NUTM2G: variants seen among roughly 807,000 people sequenced by gnomAD.
NUTM2G encodes the protein NUT family member 2G.
NUTM2G carries 29 observed loss-of-function variants against 44.3 expected under a neutral mutation model. The observed-to-expected ratio is 0.66, with a 90% CI of 0.49 to 0.89. The LOEUF (loss-of-function observed/expected upper bound fraction) is 0.89. NUTM2G is among the 40% of genes least tolerant of loss of function. The pLI is 0.00. For missense variants in NUTM2G, 502 were observed against 946.5 expected (o/e 0.53, Z 6.16); for synonymous variants, 205 against 395.9 (o/e 0.52, Z 5.72).
At chr9:96,932,617 G>T (rs1310787637) in intron 2 of NUTM2G, among the ~76,000 whole-genome samples, 199 bp downstream of exon 2, 6 of 152,002 alleles carry the variant, frequency 3.9e-5, no homozygotes, top group Non-Finnish European at 8.8e-5. Flanking sequence ...CATGTCAACT[G>T]CCTGTCACTG....
Position 96,935,314 on chromosome 9 carries a change from G to A in NUTM2G, c.714-14G>A. ...GTGGGCTTACAGACTGGGACTGACT[G>A]CACTGGTTTACAGCCCAGTTCTCCG... On this transcript the variant is annotated splice_polypyrimidine_tract_variant and intron_variant, in intron 2 of 6. Coordinates refer to ENST00000372322, the MANE Select transcript of NUTM2G (RefSeq NM_001170741.3). The A allele has an allele frequency of 6.2e-7, 1 of 1,611,984 alleles. No individual in the cohort carries two copies. Among genetic ancestry groups the A allele is most frequent in the African/African-American group, 1.3e-5 (1 of 74,988 alleles).
rs1826249610 is a variant in NUTM2G at position 96,931,759 on chromosome 9, T to C, written c.54T>C (p.Pro18=). Residue 18 remains proline, a synonymous_variant, in exon 2 of 7, where the codon CCT becomes CCC. Transcript: ENST00000372322. ...PVLGPGVTVN[P]GTSLSVFTAL... Reference sequence around the variant, plus strand: ...TGGGACCCGGCGTGACCGTGAACCCTGGCACCTCCCTGTCTGTGTTCACGG... The same window carrying C: ...TGGGACCCGGCGTGACCGTGAACCCCGGCACCTCCCTGTCTGTGTTCACGG... 6.2e-7 allele frequency: 1 copy of C among 1,611,592 alleles called. No individual in the cohort carries two copies. Among genetic ancestry groups the C allele is most frequent in the Non-Finnish European group, 8.5e-7 (1 of 1,179,850 alleles).
intron 2 of NUTM2G, among the ~76,000 whole-genome samples, chr9:96,933,146 T>TAAAATCAAATATGGCATAATTTCAC (rs2119027521): frequency 6.7e-6 from 1 of 149,452 alleles, no homozygotes; most frequent in East Asian, 2.0e-4. Context: ...CCCGGCTAAT[T>TAAAATCAAATATGGCATAATTTCAC]TTTTTGTATT....
rs1381822850 is a variant in NUTM2G, at chr9:96,938,065, C to T, written c.1440+64C>T. Reference sequence around the variant, plus strand: ...GGCAGGAGGGACCCGGCACACAAGGCCCACCCGACTGTCTAAGCCCACCCT... The same window carrying T: ...GGCAGGAGGGACCCGGCACACAAGGTCCACCCGACTGTCTAAGCCCACCCT... On this transcript the variant is annotated intron_variant, in intron 6 of 6. Coordinates refer to ENST00000372322, the MANE Select transcript of NUTM2G (RefSeq NM_001170741.3). The T allele has an allele frequency of 3.1e-6, 5 of 1,604,878 alleles. No homozygotes were observed. In the Admixed American group the frequency reaches 6.7e-5, roughly 21 times the overall value.
chr9:96,934,393 C>T (rs1348837119), intron 2 of NUTM2G, among the ~76,000 whole-genome samples: 1 of 152,122 alleles, frequency 6.6e-6, no homozygotes, highest in Non-Finnish European at 1.5e-5. Flanking sequence ...CTCGCTGCCC[C>T]CACACCCTGG....
At position 96,936,469 on chromosome 9, in the gene NUTM2G, C is replaced by G. The variant is rs367955878; in HGVS notation, c.887C>G (p.Ser296Trp). The change falls in exon 4 of 7, where the codon TCG becomes TGG. Residue 296 changes from serine to tryptophan, a missense_variant. Coordinates refer to ENST00000372322, the MANE Select transcript of NUTM2G (RefSeq NM_001170741.3). ...GAGGAGGAGATGCAGATTCAGAAAT[C>G]GCAGTGGATGAAGGGGCCCCAGAGC... is the stretch of plus-strand genomic sequence containing the variant. ...EAEEEMQIQK[S>W]QWMKGPQSLP... 6.4e-7 allele frequency: 1 copy of G among 1,570,026 alleles called. No homozygotes were observed.
chr9:96,935,617 C>A (rs1826404935), intron 3 of NUTM2G, among the ~76,000 whole-genome samples, 161 bp downstream of exon 3: 1 of 152,176 alleles, frequency 6.6e-6, no homozygotes, highest in South Asian at 2.1e-4. Flanking sequence ...GCTCCTGCCA[C>A]CTAGAGTGCT....
At chr9:96,936,657 G>C in intron 4 of NUTM2G, 93 bp downstream of exon 4, 1 of 1,491,764 alleles carries the variant, frequency 6.7e-7, no homozygotes. Flanking sequence ...CCCTTCAAGA[G>C]GGGGATTTGC....
At chr9:96,942,868 G>A (rs942391648), downstream of NUTM2G, 2 of 151,682 alleles carry the variant, frequency 1.3e-5, no homozygotes, top group African/African-American at 4.9e-5. Context: ...GTTACTCAAG[G>A]TAAATCCCTT....
intron 2 of NUTM2G, 43 bp downstream of exon 2, chr9:96,932,461 CAT>C (rs746956420): frequency 1.2e-4 from 152 of 1,263,006 alleles, no homozygotes; most frequent in Non-Finnish European, 1.6e-4. Flanking sequence ...GCAGCTCACT[CAT>C]AAAGAGGCTG....
chr9:96,936,896 C>T (rs150298455), intron 4 of NUTM2G, among the ~76,000 whole-genome samples, 168 bp from the exon 5 acceptor site: 1 of 152,230 alleles, frequency 6.6e-6, no homozygotes, highest in African/African-American at 2.4e-5. Flanking sequence ...CCAAGCGATG[C>T]TGTCTCAGAT....
chr9:96,933,255 G>T (rs1236640939), intron 2 of NUTM2G, among the ~76,000 whole-genome samples: 1 of 151,866 alleles, frequency 6.6e-6, no homozygotes, highest in Non-Finnish European at 1.5e-5. Flanking sequence ...TGCGATTGCA[G>T]GCATGACCCA....
At chr9:96,929,853 T>TA (rs1826181830) in intron 1 of NUTM2G, among the ~76,000 whole-genome samples, 1 of 151,780 alleles carries the variant, frequency 6.6e-6, no homozygotes, top group Non-Finnish European at 1.5e-5. Context: ...CCATTTATAC[T>TA]ACCTCATGAA....
chr9:96,934,257 T>G (rs2261728), intron 2 of NUTM2G, among the ~76,000 whole-genome samples: 6 of 152,202 alleles, frequency 3.9e-5, no homozygotes, highest in East Asian at 1.9e-4. Context: ...CTGTGACCCT[T>G]TGTTTCCCGC....
At position 96,935,383 on chromosome 9, in the gene NUTM2G, C is replaced by G; in HGVS notation, c.769C>G (p.Leu257Val). The change falls in exon 3 of 7, where the codon CTG becomes GTG. Residue 257 changes from leucine to valine, a missense_variant. Leu to Val is a conservative substitution (Grantham distance 32). Coordinates refer to ENST00000372322, the MANE Select transcript of NUTM2G (RefSeq NM_001170741.3). ...RKPTMTLEEG[L>V]WRAMREWQHT... ...GCCCACCATGACGCTGGAGGAGGGA[C>G]TGTGGCGGGCCATGCGGGAATGGCA... is the stretch of plus-strand genomic sequence containing the variant. 2 of 1,612,088 alleles carry G rather than the reference C, an allele frequency of 1.2e-6. No homozygotes were observed. Among genetic ancestry groups the G allele is most frequent in the Non-Finnish European group, 1.7e-6 (2 of 1,179,874 alleles).
intron 1 of NUTM2G, 102 bp downstream of exon 1, chr9:96,929,142 TGAG>T (rs1826165227): frequency 1.9e-6 from 3 of 1,576,798 alleles, no homozygotes; most frequent in Non-Finnish European, 2.6e-6. Context: ...GGGCTGATGT[TGAG>T]GGAGCACTGG....
chr9:96,937,015 C>T, intron 4 of NUTM2G, 49 bp from the exon 5 acceptor site: 1 of 1,486,044 alleles, frequency 6.7e-7, no homozygotes, highest in Non-Finnish European at 9.1e-7. Context: ...GTGGTGCAGG[C>T]AGGAGGAGCG....
rs561396569 is a variant in NUTM2G, at chr9:96,929,613, C to T, written c.16+573C>T. ...AGCCCAGAGCCTCTCAGCTTCCTCC[C>T]CAGAGATGGCTTCTCCGTCAGTTCA... On this transcript the variant is annotated intron_variant, in intron 1 of 6. Coordinates refer to ENST00000372322, the MANE Select transcript of NUTM2G (RefSeq NM_001170741.3). Among the ~76,000 whole-genome samples the T allele has an allele frequency of 4.3e-3, 661 of 152,080 alleles. 1 individual carries two copies. The highest frequency in any genetic ancestry group is 6.0e-3 in the Non-Finnish European group (409 of 67,988).
At chr9:96,933,360 G>C (rs1356379952) in intron 2 of NUTM2G, among the ~76,000 whole-genome samples, 3 of 150,856 alleles carry the variant, frequency 2.0e-5, no homozygotes, top group African/African-American at 7.4e-5. Flanking sequence ...GCCACGGTTT[G>C]GGTTTAGGTC....
Sources: allele counts gnomAD v4.1 joint callset (sites outside exome capture counted in the v4.1 genomes callset), GRCh38; gene constraint gnomAD v4.1.1; transcripts MANE v1.5; gene names NCBI Gene and HGNC (gene_info 2026-07-23, HGNC 2026-07-21).